Variants in GPC5 observed in about 807,000 individuals in gnomAD.
The protein encoded by GPC5 is glypican 5.
In GPC5, 47 loss-of-function variants were observed where a neutral mutation model predicts 53.9. That is an observed-to-expected ratio of 0.87 (90% CI 0.69 to 1.11). The LOEUF (loss-of-function observed/expected upper bound fraction) is 1.11, where lower values mean the gene tolerates loss of function less well. Among genes scored for constraint, GPC5 ranks in the 50% most tolerant of loss-of-function variants. The pLI, the probability that GPC5 is intolerant of heterozygous loss-of-function variation, is 0.00. For synonymous variants in GPC5, 286 were observed against 263.3 expected, an observed-to-expected ratio of 1.09 and a Z score of -0.84; for missense variants, 748 against 713.1, an observed-to-expected ratio of 1.05 and a Z score of -0.56.
intron 5 of GPC5, among the ~76,000 whole-genome samples, chr13:91,791,107 C>T (rs1446053460): frequency 2.6e-5 from 4 of 152,154 alleles, no homozygotes; most frequent in East Asian, 3.9e-4. Flanking sequence ...AATTAAAAGC[C>T]GTGAGACCCA....
intron 2 of GPC5, among the ~76,000 whole-genome samples, chr13:91,531,986 A>T (rs1258488666): frequency 6.6e-6 from 1 of 152,126 alleles, no homozygotes; most frequent in Non-Finnish European, 1.5e-5. Flanking sequence ...TTTTCTGGGG[A>T]TCCAGCTAAC....
At chr13:92,609,818 G>A (rs1265320954) in intron 7 of GPC5, among the ~76,000 whole-genome samples, 1 of 151,964 alleles carries the variant, frequency 6.6e-6, no homozygotes, top group Non-Finnish European at 1.5e-5. Context: ...GGATCACAAG[G>A]TCAGGAGTTC....
intron 2 of GPC5, among the ~76,000 whole-genome samples, chr13:91,669,578 G>C (rs939962584): frequency 6.6e-6 from 1 of 152,096 alleles, no homozygotes; most frequent in Non-Finnish European, 1.5e-5. Flanking sequence ...ATAGTTAGTA[G>C]CACTTTACTG....
At chr13:92,233,684 T>A (rs2042547797) in intron 7 of GPC5, among the ~76,000 whole-genome samples, 1 of 152,190 alleles carries the variant, frequency 6.6e-6, no homozygotes, top group African/African-American at 2.4e-5. Context: ...ATACTTTAAG[T>A]TTTAGGGTAC....
chr13:91,449,113 T>C (rs1359626211), intron 2 of GPC5, among the ~76,000 whole-genome samples, 191 bp downstream of exon 2: 1 of 152,068 alleles, frequency 6.6e-6, no homozygotes, highest in Non-Finnish European at 1.5e-5. Flanking sequence ...TATACTGAGT[T>C]GGATTGGGGA....
intron 7 of GPC5, among the ~76,000 whole-genome samples, chr13:92,724,328 G>A (rs1282907458): frequency 6.6e-6 from 1 of 151,576 alleles, no homozygotes; most frequent in Non-Finnish European, 1.5e-5. Context: ...ACATAAATGT[G>A]TTAATAAAAA....
At chr13:92,835,719 C>T (rs1221053344) in intron 7 of GPC5, among the ~76,000 whole-genome samples, 1 of 151,960 alleles carries the variant, frequency 6.6e-6, no homozygotes, top group Non-Finnish European at 1.5e-5. Flanking sequence ...AACTGATTCA[C>T]ATAACCTAGT....
intron 7 of GPC5, among the ~76,000 whole-genome samples, chr13:92,296,823 AG>A (rs1357543483): frequency 3.9e-5 from 6 of 152,152 alleles, no homozygotes; most frequent in Non-Finnish European, 4.4e-5. Context: ...GTGGCTGCGG[AG>A]GGTGTATTGG....
intron 5 of GPC5, among the ~76,000 whole-genome samples, chr13:91,821,536 T>G (rs1442409338): frequency 6.6e-6 from 1 of 152,160 alleles, no homozygotes; most frequent in Non-Finnish European, 1.5e-5. Context: ...AAAGTAATAA[T>G]TTTAGTTATT....
chr13:91,953,405 C>T (rs1164115107), intron 6 of GPC5, among the ~76,000 whole-genome samples: 1 of 151,992 alleles, frequency 6.6e-6, no homozygotes, highest in Non-Finnish European at 1.5e-5. Flanking sequence ...CTCTATGTCA[C>T]CCCTCTGAGG....
chr13:92,203,020 C>A (rs918364404), intron 7 of GPC5, among the ~76,000 whole-genome samples: 5 of 152,124 alleles, frequency 3.3e-5, no homozygotes, highest in Non-Finnish European at 7.4e-5. Flanking sequence ...AGAAATCAAG[C>A]AACATAGTAC....
intron 7 of GPC5, among the ~76,000 whole-genome samples, chr13:92,303,634 G>T (rs756989571): frequency 6.6e-6 from 1 of 152,180 alleles, no homozygotes; most frequent in Non-Finnish European, 1.5e-5. Context: ...CAAGGATTCA[G>T]TACTGACCAA....
chr13:92,227,525 C>T (rs578204885), intron 7 of GPC5, among the ~76,000 whole-genome samples: 2 of 152,214 alleles, frequency 1.3e-5, no homozygotes, highest in South Asian at 2.1e-4. Context: ...TAAATGTAAA[C>T]AGAGCCAAAG....
At chr13:92,595,378 T>A (rs913142231) in intron 7 of GPC5, among the ~76,000 whole-genome samples, 9 of 152,200 alleles carry the variant, frequency 5.9e-5, no homozygotes, top group Non-Finnish European at 1.2e-4. Context: ...ATTATTGATG[T>A]CTTATATTGT....
At chr13:92,233,742 T>TG (rs1281087451) in intron 7 of GPC5, among the ~76,000 whole-genome samples, 2 of 152,262 alleles carry the variant, frequency 1.3e-5, no homozygotes, top group African/African-American at 4.8e-5. Flanking sequence ...TGTGCCGTGT[T>TG]GGTGTGCTGT....
Position 91,693,820 on chromosome 13 carries a change from A to G in GPC5, c.959A>G (p.His320Arg), listed in dbSNP as rs1472207179. 1 of 1,612,802 alleles carries G rather than the reference A, an allele frequency of 6.2e-7. No individual in the cohort carries two copies. Among genetic ancestry groups the G allele is most frequent in the Non-Finnish European group, 8.5e-7 (1 of 1,179,924 alleles). The change falls in exon 3 of 8, where the codon CAC becomes CGC. Residue 320 changes from histidine (H) to arginine (R), a missense_variant. Transcript: ENST00000377067. ...YDIGHVLLNF[H>R]LLVNDAVLQA... Reference sequence around the variant, plus strand: ...ATTGGACACGTGCTGCTGAACTTTCACTTGCTTGTTAATGATGCTGTGTTA... The same window carrying G: ...ATTGGACACGTGCTGCTGAACTTTCGCTTGCTTGTTAATGATGCTGTGTTA...
intron 5 of GPC5, among the ~76,000 whole-genome samples, chr13:91,900,706 G>T (rs539734548): frequency 3.3e-5 from 5 of 152,060 alleles, no homozygotes; most frequent in African/African-American, 1.2e-4. Context: ...TTAAGAAAAG[G>T]CTAAGCAATG....
intron 7 of GPC5, among the ~76,000 whole-genome samples, chr13:92,855,632 A>AC (rs1566447002): frequency 6.8e-6 from 1 of 147,302 alleles, no homozygotes; most frequent in African/African-American, 2.6e-5. Context: ...AAAAAAAAAA[A>AC]GTGAAGACCC....
Position 92,498,999 on chromosome 13 carries a change from G to T in GPC5, c.1561+354010G>T, listed in dbSNP as rs1014645858. 5.3e-5 allele frequency among the ~76,000 whole-genome samples: 8 copies of T among 151,954 alleles called. 1 individual carries two copies. The highest frequency in any genetic ancestry group is 1.0e-4 in the Non-Finnish European group (7 of 67,990). On this transcript the variant is annotated intron_variant, in intron 7 of 7. Transcript: ENST00000377067. ...TTACATCCTAGATAGAATGCTGAAA[G>T]ATACTAGAAACCTCTTCCCCCCACT...
Sources: allele counts gnomAD v4.1 joint callset (sites outside exome capture counted in the v4.1 genomes callset), GRCh38; gene constraint gnomAD v4.1.1; transcripts MANE v1.5; gene names NCBI Gene and HGNC (gene_info 2026-07-23, HGNC 2026-07-21).